Variants in CA12 observed in about 807,000 individuals in gnomAD.
The protein encoded by CA12 is carbonate dehydratase XII.
In CA12, 36 loss-of-function variants were observed where a neutral mutation model predicts 46.8. That is an observed-to-expected ratio of 0.77 (90% confidence interval 0.59 to 1.02). The LOEUF (loss-of-function observed/expected upper bound fraction) is 1.02, where lower values mean the gene tolerates loss of function less well. CA12 is among the 50% of genes least tolerant of loss of function. The pLI, the probability that CA12 is intolerant of heterozygous loss-of-function variation, is 0.00. For synonymous variants in CA12, 202 were observed against 187.0 expected, an observed-to-expected ratio of 1.08 and a Z score of -0.65; for missense variants, 436 against 451.4, an observed-to-expected ratio of 0.97 and a Z score of 0.31.
rs1235975046 is a variant in CA12 at position 63,324,573 on chromosome 15, G to C, written c.*1712C>G. On this transcript the variant is annotated 3_prime_UTR_variant, in exon 11 of 11. Coordinates refer to ENST00000178638, the MANE Select transcript of CA12 (RefSeq NM_001218.5). ...GCACACACACACACAAACACACAGA[G>C]AGACACACACACATTTGAGCTCCCA... is the stretch of plus-strand genomic sequence containing the variant. 1 of 152,170 alleles carries C rather than the reference G, an allele frequency of 6.6e-6. No homozygotes were observed. Among genetic ancestry groups the C allele is most frequent in the Non-Finnish European group, 1.5e-5 (1 of 68,102 alleles). 9.4% of individuals were successfully genotyped at this position (152,170 alleles called of 1,614,324 possible). A position where few individuals can be genotyped will look rare whatever the true frequency, so the allele number is the denominator to read the frequency against.
Position 63,346,539 on chromosome 15 carries a change from C to T in CA12, c.277G>A (p.Gly93Ser). The T allele has an allele frequency of 1.2e-6, 2 of 1,614,030 alleles. No individual in the cohort carries two copies. Among genetic ancestry groups the T allele is most frequent in the Non-Finnish European group, 1.7e-6 (2 of 1,179,996 alleles). ...ANKQFLLTNN[G>S]HSVKLNLPSD... ...AAGGCCTCTCCCTCACCTGAATGGCCATTGTTGGTCAGGAGAAACTGCTTG... is the reference window on the plus strand; with the variant it reads ...AAGGCCTCTCCCTCACCTGAATGGCTATTGTTGGTCAGGAGAAACTGCTTG... Residue 93 changes from glycine to serine, a missense_variant, in exon 3 of 11, where the codon GGC becomes AGC. By Grantham distance (56) the Gly-to-Ser change is moderately conservative. Transcript: ENST00000178638.
chr15:63,327,214 G>C lies in CA12; in HGVS notation c.927C>G (p.Ala309=). Residue 309 remains alanine (A), a synonymous_variant, in exon 10 of 11, where the codon GCC becomes GCG. Transcript: ENST00000178638. The surrounding 1 kb of genome is among the most constrained non-coding windows in gnomAD (Gnocchi z 4.5). The part of the protein sequence containing the change: ...GLSLGIILSL[A]LAGILGICIV... ...TACAGATGCCAAGAATGCCAGCCAG[G>C]GCCAGTGAGAGGATGATGCCTGGTG... The C allele has an allele frequency of 6.2e-7, 1 of 1,613,990 alleles. No individual in the cohort carries two copies. The highest frequency in any genetic ancestry group is 1.3e-5 in the African/African-American group (1 of 75,052).
At chr15:63,362,819 A>T (rs868594600) in intron 2 of CA12, among the ~76,000 whole-genome samples, 1 of 152,172 alleles carries the variant, frequency 6.6e-6, no homozygotes, top group Non-Finnish European at 1.5e-5. Context: ...TTGCTTTTTC[A>T]TAGTTCTTCT....
intron 2 of CA12, 172 bp downstream of exon 2, chr15:63,375,486 C>A: frequency 1.7e-6 from 1 of 574,884 alleles, no homozygotes; most frequent in Non-Finnish European, 3.2e-6. Flanking sequence ...GTATGCAACC[C>A]AAGTTGAAGT....
At chr15:63,359,427 A>C (rs947994843) in intron 2 of CA12, among the ~76,000 whole-genome samples, 1 of 151,888 alleles carries the variant, frequency 6.6e-6, no homozygotes, top group East Asian at 1.9e-4. Flanking sequence ...ATCACCTAGA[A>C]TCACCAGTTG....
chr15:63,345,337 G>C lies in CA12; in HGVS notation c.429+140C>G, dbSNP rs995715921. On this transcript the variant is annotated intron_variant, in intron 4 of 10. Coordinates refer to ENST00000178638, the MANE Select transcript of CA12 (RefSeq NM_001218.5). This position sits in a 1 kb window ranked among gnomAD's most constrained non-coding sequence, Gnocchi z 4.3. ...GGCTAGTGGAGTGGCTGCGCCCCTT[G>C]TGCCAGGGCCAGAGGTGGGGCAGAG... The C allele has an allele frequency of 8.5e-6, 9 of 1,054,126 alleles. No homozygotes were observed. The highest frequency in any genetic ancestry group is 1.1e-5 in the Non-Finnish European group (8 of 714,436). The allele number at this position is 1,054,126 out of a possible 1,614,324, so 65.3% of individuals were successfully genotyped here. A position where few individuals can be genotyped will look rare whatever the true frequency, so the allele number is the denominator to read the frequency against.
chr15:63,352,843 T>C (rs769483353), intron 2 of CA12, among the ~76,000 whole-genome samples: 1 of 152,212 alleles, frequency 6.6e-6, no homozygotes, highest in Admixed American at 6.5e-5. Flanking sequence ...TGTATCTATA[T>C]GAAAATGATC....
chr15:63,381,689 ACGGC>A lies in CA12; in HGVS notation c.28_31del (p.Ala10CysfsTer5). ...TTCCTTTAAGATCACCAGCAGGAGC[ACGGC>A]CGCCGCGTGCAGGCTGCGCCGGGGC... is the stretch of plus-strand genomic sequence containing the variant. On this transcript the variant is annotated frameshift_variant, in exon 1 of 11. Coordinates refer to ENST00000178638, the MANE Select transcript of CA12 (RefSeq NM_001218.5). LOFTEE classifies it high-confidence loss of function. The A allele has an allele frequency of 6.2e-7, 1 of 1,608,850 alleles. No homozygotes were observed. Among genetic ancestry groups the A allele is most frequent in the Non-Finnish European group, 8.5e-7 (1 of 1,177,718 alleles).
intron 2 of CA12, among the ~76,000 whole-genome samples, chr15:63,351,841 C>T (rs2039236395): frequency 6.6e-6 from 1 of 152,180 alleles, no homozygotes; most frequent in African/African-American, 2.4e-5. Flanking sequence ...AGTACAGAAA[C>T]TTATTACAGA....
intron 2 of CA12, among the ~76,000 whole-genome samples, chr15:63,350,472 C>A (rs966075379): frequency 6.6e-6 from 1 of 152,224 alleles, no homozygotes; most frequent in Non-Finnish European, 1.5e-5. Flanking sequence ...TGAGTTTTGA[C>A]TTCGCCTCTC....
Position 63,329,564 on chromosome 15 carries a change from A to G in CA12, c.875-1434T>C, listed in dbSNP as rs1321097759. Among the ~76,000 whole-genome samples, 3 of 152,146 alleles carry G rather than the reference A, an allele frequency of 2.0e-5. No homozygotes were observed. The highest frequency in any genetic ancestry group is 1.9e-4 in the East Asian group (1 of 5,188). On this transcript the variant is annotated intron_variant, in intron 8 of 10. Coordinates refer to ENST00000178638, the MANE Select transcript of CA12 (RefSeq NM_001218.5). The surrounding 1 kb of genome is among the most constrained non-coding windows in gnomAD (Gnocchi z 4.8). ...TCTGTCTGGTGGTTTTCTCATCTCAATGGAAACTTCTAGCATGTGTGTGTG... is the reference window on the plus strand; with the variant it reads ...TCTGTCTGGTGGTTTTCTCATCTCAGTGGAAACTTCTAGCATGTGTGTGTG...
At chr15:63,342,324 C>A (rs2039089287) in intron 4 of CA12, among the ~76,000 whole-genome samples, 2 of 152,116 alleles carry the variant, frequency 1.3e-5, no homozygotes, top group Non-Finnish European at 2.9e-5. Context: ...CATAATACAT[C>A]AATCAATACG....
rs1170471884 is a variant in CA12 at position 63,372,941 on chromosome 15, T to C, written c.106+2717A>G. Among the ~76,000 whole-genome samples, 1 of 152,220 alleles carries C rather than the reference T, an allele frequency of 6.6e-6. No homozygotes were observed. The highest frequency in any genetic ancestry group is 1.5e-5 in the Non-Finnish European group (1 of 68,032). On this transcript the variant is annotated intron_variant, in intron 2 of 10. Coordinates refer to ENST00000178638, the MANE Select transcript of CA12 (RefSeq NM_001218.5). This position sits in a 1 kb window ranked among gnomAD's most constrained non-coding sequence, Gnocchi z 4.5. ...CCTCAGCAAAGAGCTGCTCTAATTA[T>C]GCAGGGTAGGAGGGACAGAGGGCTG...
At chr15:63,351,052 T>C (rs116722382) in intron 2 of CA12, among the ~76,000 whole-genome samples, 1,895 of 152,366 alleles carry the variant, frequency 0.012, 46 homozygotes, top group African/African-American at 0.043. Context: ...AAATAGGTCA[T>C]AAATTTTTAA....
At position 63,338,965 on chromosome 15, in the gene CA12, T is replaced by C; in HGVS notation, c.748-20A>G. On this transcript the variant is annotated intron_variant, in intron 7 of 10. Coordinates refer to ENST00000178638, the MANE Select transcript of CA12 (RefSeq NM_001218.5). ...CAGCAGCTGAGGGCAAGAGCAGAAA[T>C]AGCCCGCAGGCAGAATGACCTCCTC... 1 of 1,613,916 alleles carries C rather than the reference T, an allele frequency of 6.2e-7. No individual in the cohort carries two copies. Among genetic ancestry groups the C allele is most frequent in the South Asian group, 1.1e-5 (1 of 91,060 alleles).
chr15:63,371,315 A>C (rs1471972036), intron 2 of CA12, among the ~76,000 whole-genome samples: 3 of 152,166 alleles, frequency 2.0e-5, no homozygotes, highest in Non-Finnish European at 4.4e-5. Context: ...AAGACGGACA[A>C]TGTATTATCT....
At chr15:63,349,202 G>A (rs2039193504) in intron 2 of CA12, among the ~76,000 whole-genome samples, 1 of 152,172 alleles carries the variant, frequency 6.6e-6, no homozygotes, top group Non-Finnish European at 1.5e-5. Flanking sequence ...GCTATGTTCT[G>A]GAAGGTTCCT....
At chr15:63,363,467 G>A (rs2039393248) in intron 2 of CA12, among the ~76,000 whole-genome samples, 1 of 152,198 alleles carries the variant, frequency 6.6e-6, no homozygotes, top group African/African-American at 2.4e-5. Flanking sequence ...CAGCTGCTGT[G>A]GAGACGCTGA....
chr15:63,342,991 T>C (rs2039101164), intron 4 of CA12, among the ~76,000 whole-genome samples: 1 of 152,202 alleles, frequency 6.6e-6, no homozygotes, highest in African/African-American at 2.4e-5. Flanking sequence ...ATTTCTTCTT[T>C]TAAGTGGTCC....
Sources: allele counts gnomAD v4.1 joint callset (sites outside exome capture counted in the v4.1 genomes callset), GRCh38; gene constraint gnomAD v4.1.1; non-coding constraint Gnocchi (gnomAD v3.1); transcripts MANE v1.5; gene names NCBI Gene and HGNC (gene_info 2026-07-23, HGNC 2026-07-21).